Variants in ZFAND3 observed in about 807,000 individuals in gnomAD.
The protein encoded by ZFAND3 is AN1-type zinc finger protein 3.
A neutral mutation model predicts 29.6 loss-of-function variants in ZFAND3; 10 were observed. The ratio of observed to expected loss-of-function variants is 0.34; its 90% CI spans 0.21 to 0.57. The LOEUF (loss-of-function observed/expected upper bound fraction) is 0.57, where lower values mean the gene tolerates loss of function less well. Ranked by LOEUF, ZFAND3 falls within the 20% of genes least tolerant of loss-of-function variation. ZFAND3 has a pLI of 0.86. For synonymous variants in ZFAND3, 128 were observed against 112.6 expected (o/e 1.14, Z -0.87); for missense variants, 230 against 304.5 (o/e 0.76, Z 1.82).
intron 2 of ZFAND3, among the ~76,000 whole-genome samples, chr6:38,016,019 A>AT: frequency 6.6e-6 from 1 of 152,346 alleles, no homozygotes; most frequent in South Asian, 2.1e-4. Flanking sequence ...TATGTTTATA[A>AT]TGGGCCATAC....
rs541722053 is a variant in ZFAND3, at chr6:38,073,228, G to A, written c.296-9164G>A. ...CATTAGTCCTGAAGCCTCTTAGGAA[G>A]AACATGCACCAGTCATTTCCCTTTC... On this transcript the variant is annotated intron_variant, in intron 3 of 5. Coordinates refer to ENST00000287218, the MANE Select transcript of ZFAND3 (RefSeq NM_021943.3). Among the ~76,000 whole-genome samples, 16 of 151,822 alleles carry A rather than the reference G, an allele frequency of 1.1e-4. No individual in the cohort carries two copies. In the South Asian group the frequency reaches 3.1e-3, roughly 30 times the overall value.
rs188027803 is a variant in ZFAND3, at chr6:37,926,780, A to G, written c.72-3179A>G. Among the ~76,000 whole-genome samples the G allele has an allele frequency of 1.1e-3, 173 of 152,138 alleles. 1 individual carries two copies. The Middle Eastern group carries it at 0.014, about 12-fold the overall frequency. ...CTTTCATGCTTACTGTCAAAAAGAG[A>G]GCTCTGTTGTCTGTTCCAAGACCAT... is the stretch of plus-strand genomic sequence containing the variant. On this transcript the variant is annotated intron_variant, in intron 1 of 5. Transcript: ENST00000287218.
chr6:37,844,342 C>T (rs1273437302), intron 1 of ZFAND3, among the ~76,000 whole-genome samples: 4 of 152,012 alleles, frequency 2.6e-5, no homozygotes, highest in South Asian at 2.1e-4. Flanking sequence ...AGTGCAGTGG[C>T]GCAATCTTGG....
At chr6:37,860,005 G>C (rs1764452921) in intron 1 of ZFAND3, among the ~76,000 whole-genome samples, 1 of 150,300 alleles carries the variant, frequency 6.7e-6, no homozygotes, top group Admixed American at 6.6e-5. Flanking sequence ...CTAAGTGGCT[G>C]GGATTACAGG....
intron 1 of ZFAND3, among the ~76,000 whole-genome samples, chr6:37,873,557 C>T (rs191129509): frequency 9.1e-4 from 139 of 152,222 alleles, no homozygotes; most frequent in African/African-American, 2.9e-3. Context: ...CAGTAGTGGA[C>T]TTAACAGATT....
At chr6:38,097,172 C>G (rs1764997963) in intron 4 of ZFAND3, among the ~76,000 whole-genome samples, 1 of 151,996 alleles carries the variant, frequency 6.6e-6, no homozygotes, top group Admixed American at 6.6e-5. Context: ...ACCTCCTGGG[C>G]TCAAACGATC....
At chr6:37,973,775 A>AT (rs1186094856) in intron 2 of ZFAND3, among the ~76,000 whole-genome samples, 1 of 152,218 alleles carries the variant, frequency 6.6e-6, no homozygotes, top group African/African-American at 2.4e-5. Context: ...ACTTTTCTTG[A>AT]TTTTTTCATG....
At chr6:37,929,565 T>G (rs1761553499) in intron 1 of ZFAND3, among the ~76,000 whole-genome samples, 1 of 152,212 alleles carries the variant, frequency 6.6e-6, no homozygotes, top group South Asian at 2.1e-4. Flanking sequence ...TTGTGATAAC[T>G]TCATATATTT....
At chr6:37,981,025 G>A (rs936053903) in intron 2 of ZFAND3, among the ~76,000 whole-genome samples, 4 of 152,132 alleles carry the variant, frequency 2.6e-5, no homozygotes, top group African/African-American at 9.7e-5. Flanking sequence ...ATACTTCTGA[G>A]GGCACCAGGA....
intron 1 of ZFAND3, among the ~76,000 whole-genome samples, chr6:37,906,280 TG>T (rs1021463233): frequency 6.6e-6 from 1 of 152,210 alleles, no homozygotes; most frequent in Non-Finnish European, 1.5e-5. Context: ...CTCTTTCATA[TG>T]AGTGAAATAA....
At chr6:37,867,411 T>C (rs923428442) in intron 1 of ZFAND3, among the ~76,000 whole-genome samples, 3 of 152,164 alleles carry the variant, frequency 2.0e-5, no homozygotes, top group Non-Finnish European at 4.4e-5. Flanking sequence ...TGCTGACAGG[T>C]AGCGAATTAG....
At chr6:37,863,512 G>A (rs150615365) in intron 1 of ZFAND3, among the ~76,000 whole-genome samples, 2 of 152,124 alleles carry the variant, frequency 1.3e-5, no homozygotes, top group East Asian at 3.9e-4. Context: ...TGACAATAAA[G>A]ACACACCAAA....
intron 1 of ZFAND3, among the ~76,000 whole-genome samples, chr6:37,830,239 A>AG (rs1443637332): frequency 6.6e-6 from 1 of 152,152 alleles, no homozygotes; most frequent in Non-Finnish European, 1.5e-5. Context: ...AGGTGGTCAA[A>AG]GGGGAAGACT....
intron 1 of ZFAND3, among the ~76,000 whole-genome samples, chr6:37,923,139 C>CA (rs1425063746): frequency 6.6e-6 from 1 of 152,194 alleles, no homozygotes; most frequent in Non-Finnish European, 1.5e-5. Context: ...GATTGATTGA[C>CA]AGAGTCTCAC....
intron 2 of ZFAND3, among the ~76,000 whole-genome samples, chr6:38,045,713 C>A (rs1036492904): frequency 1.3e-5 from 2 of 152,036 alleles, no homozygotes; most frequent in Non-Finnish European, 2.9e-5. Context: ...TAAAAAATAT[C>A]ATATATAGAT....
chr6:38,129,898 A>G (rs1252898205), intron 5 of ZFAND3, among the ~76,000 whole-genome samples: 2 of 151,404 alleles, frequency 1.3e-5, no homozygotes, highest in Non-Finnish European at 2.9e-5. Context: ...GAATTTGTAG[A>G]TTGCTTTTGG....
chr6:37,932,798 A>G (rs1306713727), intron 2 of ZFAND3, among the ~76,000 whole-genome samples: 1 of 152,184 alleles, frequency 6.6e-6, no homozygotes, highest in Non-Finnish European at 1.5e-5. Flanking sequence ...GTCTATTTAC[A>G]TTTTATACAG....
intron 5 of ZFAND3, among the ~76,000 whole-genome samples, chr6:38,135,848 C>T (rs916634879): frequency 6.6e-6 from 1 of 152,312 alleles, no homozygotes; most frequent in East Asian, 1.9e-4. Context: ...TTACTAGCAT[C>T]ACCAAGTTTG....
At position 38,116,678 on chromosome 6, in the gene ZFAND3, G is replaced by A. The variant is rs1016985005; in HGVS notation, c.468G>A (p.Arg156=). 1.2e-6 allele frequency: 2 copies of A among 1,614,174 alleles called. No homozygotes were observed. The highest frequency in any genetic ancestry group is 1.7e-6 in the Non-Finnish European group (2 of 1,180,012). Residue 156 remains arginine (R), a synonymous_variant, in exon 5 of 6, where the codon CGG becomes CGA. Coordinates refer to ENST00000287218, the MANE Select transcript of ZFAND3 (RefSeq NM_021943.3). The part of the protein sequence containing the change: ...TSRSKQKSRR[R]CFQCQTKLEL... Reference sequence around the variant, plus strand: ...GATCTAAACAGAAGAGTCGACGTCGGTGCTTCCAGTGCCAAACCAAACTGG... The same window carrying A: ...GATCTAAACAGAAGAGTCGACGTCGATGCTTCCAGTGCCAAACCAAACTGG...
Sources: gnomAD v4.1 joint callset for allele counts (sites outside exome capture counted in the v4.1 genomes callset) on GRCh38, gnomAD v4.1.1 for gene constraint, MANE v1.5 for transcripts, NCBI Gene and HGNC (gene_info 2026-07-23, HGNC 2026-07-21) for gene names.